CCBE1: variants seen among roughly 807,000 people sequenced by gnomAD.
CCBE1 encodes collagen and calcium binding EGF domains 1.
CCBE1 carries 37 observed loss-of-function variants against 50.0 expected under a neutral mutation model. The ratio of observed to expected loss-of-function variants is 0.74; its 90% CI spans 0.57 to 0.97. CCBE1 has a LOEUF of 0.97. Ranked by LOEUF, CCBE1 falls within the 50% of genes least tolerant of loss-of-function variation. The probability of loss-of-function intolerance (pLI) is 0.00; values close to 1 mark genes in which losing one functional copy is unlikely to be tolerated. For missense variants in CCBE1, 538 were observed against 523.8 expected (o/e 1.03, Z -0.26); for synonymous variants, 234 against 203.7 (o/e 1.15, Z -1.27).
At chr18:59,554,268 C>G (rs1388830183) in intron 2 of CCBE1, among the ~76,000 whole-genome samples, 1 of 152,190 alleles carries the variant, frequency 6.6e-6, no homozygotes, top group Non-Finnish European at 1.5e-5. Flanking sequence ...CATGAGCCAC[C>G]ATGCCCAGAC....
intron 2 of CCBE1, among the ~76,000 whole-genome samples, chr18:59,621,402 T>C (rs1034073422): frequency 3.9e-5 from 6 of 152,210 alleles, no homozygotes; most frequent in Admixed American, 6.5e-5. Flanking sequence ...TCTGGGGCCA[T>C]TGGAGTCATT....
intron 2 of CCBE1, among the ~76,000 whole-genome samples, chr18:59,568,960 A>C (rs2052868035): frequency 6.6e-6 from 1 of 152,196 alleles, no homozygotes; most frequent in African/African-American, 2.4e-5. Flanking sequence ...GTCCTGCCTG[A>C]GTGTGCTCTC....
intron 2 of CCBE1, among the ~76,000 whole-genome samples, chr18:59,678,399 G>A (rs2054538344): frequency 6.6e-6 from 1 of 152,104 alleles, no homozygotes; most frequent in Admixed American, 6.5e-5. Context: ...AAAATGCTGA[G>A]TAAATCATTG....
intron 5 of CCBE1, among the ~76,000 whole-genome samples, chr18:59,455,687 T>G (rs183307660): frequency 6.6e-6 from 1 of 152,382 alleles, no homozygotes; most frequent in East Asian, 1.9e-4. Flanking sequence ...ATGGCCTACT[T>G]AAGCCTGCAT....
intron 3 of CCBE1, among the ~76,000 whole-genome samples, chr18:59,476,165 T>C (rs539813582): frequency 7.9e-5 from 12 of 152,186 alleles, no homozygotes; most frequent in Non-Finnish European, 1.5e-4. Flanking sequence ...CCTCAGCTCC[T>C]ACAAAATAAA....
intron 2 of CCBE1, among the ~76,000 whole-genome samples, chr18:59,540,411 T>C (rs1915422994): frequency 6.6e-6 from 1 of 152,218 alleles, no homozygotes; most frequent in African/African-American, 2.4e-5. Flanking sequence ...GTCAAATATG[T>C]TCCAGTGAAG....
At chr18:59,578,533 A>T (rs1293587877) in intron 2 of CCBE1, among the ~76,000 whole-genome samples, 1 of 152,234 alleles carries the variant, frequency 6.6e-6, no homozygotes, top group South Asian at 2.1e-4. Flanking sequence ...AATAGCAAAG[A>T]CTTGGAACCA....
chr18:59,647,162 T>C (rs1363255449), intron 2 of CCBE1, among the ~76,000 whole-genome samples: 1 of 152,228 alleles, frequency 6.6e-6, no homozygotes, highest in Non-Finnish European at 1.5e-5. Flanking sequence ...TTTGGTTTCA[T>C]TTCTGACTAA....
At position 59,637,704 on chromosome 18, in the gene CCBE1, C is replaced by T. The variant is rs542887069; in HGVS notation, c.212+58925G>A. On this transcript the variant is annotated intron_variant, in intron 2 of 10. Coordinates refer to ENST00000439986, the MANE Select transcript of CCBE1 (RefSeq NM_133459.4). Reference sequence around the variant, plus strand: ...ATTTAAAATATAATGAATTTCATGCCTATAAAATTTTAAACTGTGATTTAA... The same window carrying T: ...ATTTAAAATATAATGAATTTCATGCTTATAAAATTTTAAACTGTGATTTAA... 3.8e-4 allele frequency among the ~76,000 whole-genome samples: 58 copies of T among 152,184 alleles called. 1 individual carries two copies. The South Asian group carries it at 0.012, about 32-fold the overall frequency.
chr18:59,485,284 C>T (rs1301300708), intron 2 of CCBE1, among the ~76,000 whole-genome samples: 1 of 152,114 alleles, frequency 6.6e-6, no homozygotes, highest in African/African-American at 2.4e-5. Flanking sequence ...AAAAGTCGTG[C>T]AGGCAGAAAT....
intron 2 of CCBE1, among the ~76,000 whole-genome samples, chr18:59,561,989 C>A (rs977704942): frequency 6.6e-6 from 1 of 152,184 alleles, no homozygotes; most frequent in Non-Finnish European, 1.5e-5. Context: ...CCTCTCCCCT[C>A]AGACTTCAGC....
intron 2 of CCBE1, among the ~76,000 whole-genome samples, chr18:59,523,025 A>G (rs1914674472): frequency 6.7e-6 from 1 of 149,720 alleles, no homozygotes; most frequent in Non-Finnish European, 1.5e-5. Context: ...TCTCAATGTT[A>G]TAACGAAATG....
At chr18:59,545,681 G>T (rs1915653786) in intron 2 of CCBE1, among the ~76,000 whole-genome samples, 1 of 152,202 alleles carries the variant, frequency 6.6e-6, no homozygotes, top group South Asian at 2.1e-4. Flanking sequence ...CCCATGTGTT[G>T]TGGGAGGGAC....
chr18:59,675,253 C>T (rs573212801), intron 2 of CCBE1, among the ~76,000 whole-genome samples: 13 of 152,310 alleles, frequency 8.5e-5, no homozygotes, highest in Non-Finnish European at 1.5e-4. Context: ...GCATTATGCC[C>T]AGTTTGTAGC....
In CCBE1 at chr18:59,439,687, C is replaced by T. The variant is rs144421610; in HGVS notation, c.905G>A (p.Arg302Lys). The change falls in exon 8 of 11, where the codon AGG (arginine) becomes AAG (lysine). Residue 302 changes from arginine (R) to lysine (K), a missense_variant. By Grantham distance (26) the Arg-to-Lys change is conservative. Transcript: ENST00000439986. Reference sequence around the variant, plus strand: ...TGATAAGATACTGACCACAGGGCCCCTCCGGCCTTGCTTAATGTGGGACAG... The same window carrying T: ...TGATAAGATACTGACCACAGGGCCCTTCCGGCCTTGCTTAATGTGGGACAG... ...PDLSHIKQGR[R>K]GPVGPPGAPG... is the part of the protein sequence containing the mutation. The T allele has an allele frequency of 6.7e-5, 108 of 1,614,132 alleles. No homozygotes were observed. The highest frequency in any genetic ancestry group is 1.6e-4 in the Middle Eastern group (1 of 6,084).
intron 2 of CCBE1, among the ~76,000 whole-genome samples, chr18:59,658,933 A>G (rs1182420585): frequency 3.4e-5 from 5 of 148,718 alleles, no homozygotes; most frequent in Non-Finnish European, 7.4e-5. Flanking sequence ...TCTTTATTGT[A>G]TATAAATCAT....
intron 5 of CCBE1, among the ~76,000 whole-genome samples, chr18:59,456,144 C>T (rs948945415): frequency 3.3e-5 from 5 of 152,234 alleles, no homozygotes; most frequent in Non-Finnish European, 7.3e-5. Flanking sequence ...GTCCCTCCCA[C>T]TCACAGGCTG....
At chr18:59,515,258 A>C (rs74620237) in intron 2 of CCBE1, among the ~76,000 whole-genome samples, 4,918 of 152,308 alleles carry the variant, frequency 0.032, 248 homozygotes, top group African/African-American at 0.11. Context: ...CTACACAAAT[A>C]ACAGTCATGT....
At chr18:59,464,920 C>T (rs1447841000) in intron 5 of CCBE1, 1 of 152,476 alleles carries the variant, frequency 6.6e-6, no homozygotes, top group African/African-American at 2.4e-5. Flanking sequence ...GGTTCAGGCC[C>T]AGCCAACCTC....
Sources: gnomAD v4.1 joint callset for allele counts (sites outside exome capture counted in the v4.1 genomes callset) on GRCh38, gnomAD v4.1.1 for gene constraint, MANE v1.5 for transcripts, NCBI Gene and HGNC (gene_info 2026-07-23, HGNC 2026-07-21) for gene names.